CMTM8: variants seen among roughly 807,000 people sequenced by gnomAD.
CMTM8 encodes the protein CKLF-like MARVEL transmembrane domain-containing protein 8.
In CMTM8, 12 loss-of-function variants were observed where a neutral mutation model predicts 18.6. The ratio of observed to expected loss-of-function variants is 0.65; its 90% CI spans 0.41 to 1.05. The LOEUF (loss-of-function observed/expected upper bound fraction) is 1.05, where lower values mean the gene tolerates loss of function less well. Among genes scored for constraint, CMTM8 ranks in the 50% least tolerant of loss-of-function variants. The probability of loss-of-function intolerance (pLI) is 0.00; values close to 1 mark genes in which losing one functional copy is unlikely to be tolerated. For missense variants in CMTM8, 217 were observed against 227.2 expected, an observed-to-expected ratio of 0.95 and a Z score of 0.29; for synonymous variants, 87 against 90.6, an observed-to-expected ratio of 0.96 and a Z score of 0.23.
chr3:32,278,676 T>C (rs1414196968), intron 1 of CMTM8, among the ~76,000 whole-genome samples: 1 of 152,166 alleles, frequency 6.6e-6, no homozygotes, highest in African/African-American at 2.4e-5. Context: ...CCAAATTGAG[T>C]TATCTCTGTT....
intron 1 of CMTM8, among the ~76,000 whole-genome samples, chr3:32,289,001 G>A (rs1702733694): frequency 6.6e-6 from 1 of 152,146 alleles, no homozygotes; most frequent in South Asian, 2.1e-4. Context: ...GTGTCTTGCA[G>A]TTTCTTTTTT....
intron 1 of CMTM8, among the ~76,000 whole-genome samples, chr3:32,308,541 G>A (rs530036264): frequency 1.3e-5 from 2 of 152,214 alleles, no homozygotes; most frequent in South Asian, 4.2e-4. Context: ...TGAGGAGATC[G>A]GGGCTCTATC....
intron 1 of CMTM8, among the ~76,000 whole-genome samples, chr3:32,260,636 G>C (rs1702242777): frequency 6.6e-6 from 1 of 150,434 alleles, no homozygotes; most frequent in Non-Finnish European, 1.5e-5. Context: ...ACATCTGATA[G>C]GATAATCTAT....
chr3:32,345,882 C>T (rs540372915), intron 1 of CMTM8, among the ~76,000 whole-genome samples: 2 of 152,300 alleles, frequency 1.3e-5, no homozygotes, highest in African/African-American at 4.8e-5. Context: ...CAGGCAGACA[C>T]AGTGCCTCAC....
intron 1 of CMTM8, among the ~76,000 whole-genome samples, chr3:32,314,940 T>C (rs919266013): frequency 7.9e-5 from 12 of 151,652 alleles, no homozygotes; most frequent in African/African-American, 2.7e-4. Flanking sequence ...TGCGTTCTAG[T>C]GAACATAGGT....
chr3:32,282,513 A>G lies in CMTM8; in HGVS notation c.147+43394A>G, dbSNP rs192116088. On this transcript the variant is annotated intron_variant, in intron 1 of 3. Coordinates refer to ENST00000307526, the MANE Select transcript of CMTM8 (RefSeq NM_178868.5). ...AAAAATATATACCCAGAATGTTATC[A>G]ATTCTTACCACCTGCAGTATTATCA... 2.7e-3 allele frequency among the ~76,000 whole-genome samples: 414 copies of G among 152,250 alleles called. 3 individuals carry two copies. Among genetic ancestry groups the G allele is most frequent in the Non-Finnish European group, 2.1e-3 (141 of 68,012 alleles).
At chr3:32,301,676 A>T (rs1259838738) in intron 1 of CMTM8, among the ~76,000 whole-genome samples, 1 of 151,770 alleles carries the variant, frequency 6.6e-6, no homozygotes, top group Non-Finnish European at 1.5e-5. Context: ...AATCTCATAC[A>T]GTTTTCCATG....
intron 1 of CMTM8, among the ~76,000 whole-genome samples, chr3:32,341,728 T>A (rs1165604200): frequency 6.6e-6 from 1 of 150,810 alleles, no homozygotes; most frequent in Non-Finnish European, 1.5e-5. Flanking sequence ...AATTTAAAAA[T>A]CAGCCAGGTG....
chr3:32,304,293 T>G (rs1695682065), intron 1 of CMTM8, among the ~76,000 whole-genome samples: 3 of 152,184 alleles, frequency 2.0e-5, no homozygotes, highest in South Asian at 4.1e-4. Flanking sequence ...TGAAAATGGG[T>G]GTCCTATTCT....
chr3:32,244,998 A>G (rs988986807), intron 1 of CMTM8, among the ~76,000 whole-genome samples: 16 of 152,188 alleles, frequency 1.1e-4, no homozygotes, highest in Non-Finnish European at 1.9e-4. Context: ...TAAATAACGT[A>G]CTGTGTTTTA....
At chr3:32,285,897 G>A (rs188488423) in intron 1 of CMTM8, among the ~76,000 whole-genome samples, 6 of 152,336 alleles carry the variant, frequency 3.9e-5, no homozygotes, top group African/African-American at 1.2e-4. Flanking sequence ...AGCACAGTGT[G>A]TGGCACCTGT....
At chr3:32,276,509 T>G (rs896250139) in intron 1 of CMTM8, among the ~76,000 whole-genome samples, 1 of 152,086 alleles carries the variant, frequency 6.6e-6, no homozygotes, top group Non-Finnish European at 1.5e-5. Flanking sequence ...GCAATTAGAG[T>G]AATTGCCTGT....
chr3:32,309,703 G>A lies in CMTM8; in HGVS notation c.148-47670G>A, dbSNP rs181193024. Among the ~76,000 whole-genome samples the A allele has an allele frequency of 1.0e-3, 157 of 152,176 alleles. 1 individual carries two copies. The highest frequency in any genetic ancestry group is 3.6e-3 in the African/African-American group (150 of 41,500). ...AGGTGTCTCACTTTTCCTCAAAGTC[G>A]GTCATGCTTTCAGTAACTTGGCTAT... On this transcript the variant is annotated intron_variant, in intron 1 of 3. Transcript: ENST00000307526.
chr3:32,282,336 A>C (rs1702620017), intron 1 of CMTM8, among the ~76,000 whole-genome samples: 1 of 152,228 alleles, frequency 6.6e-6, no homozygotes, highest in Non-Finnish European at 1.5e-5. Context: ...GTCAGTTGCA[A>C]TATATGTACC....
At chr3:32,242,875 T>G (rs1559359566) in intron 1 of CMTM8, among the ~76,000 whole-genome samples, 1 of 149,396 alleles carries the variant, frequency 6.7e-6, no homozygotes, top group Non-Finnish European at 1.5e-5. Context: ...TTTTTTTTTT[T>G]GAGACAGAGT....
intron 1 of CMTM8, among the ~76,000 whole-genome samples, chr3:32,312,300 AG>A (rs1212021183): frequency 6.6e-6 from 1 of 152,114 alleles, no homozygotes; most frequent in African/African-American, 2.4e-5. Context: ...TCAGATAAAA[AG>A]TTTCTTTTCT....
rs891439554 is a variant in CMTM8 at position 32,300,075 on chromosome 3, G to A, written c.148-57298G>A. On this transcript the variant is annotated intron_variant, in intron 1 of 3. Transcript: ENST00000307526. ...CACATTTCTTTGATCATACTTTTGC[G>A]TGACACAGCAGTCTTCAGATCGAAG... is the stretch of plus-strand genomic sequence containing the variant. 5.3e-5 allele frequency among the ~76,000 whole-genome samples: 8 copies of A among 152,206 alleles called. No homozygotes were observed. In the East Asian group the frequency reaches 5.8e-4, roughly 11 times the overall value.
chr3:32,280,833 G>A (rs1432517074), intron 1 of CMTM8, among the ~76,000 whole-genome samples: 7 of 98,038 alleles, frequency 7.1e-5, no homozygotes, highest in African/African-American at 1.2e-4. Context: ...TCTCCAACAC[G>A]AGAGAAAATA....
intron 1 of CMTM8, among the ~76,000 whole-genome samples, chr3:32,245,718 T>G (rs879800643): frequency 6.6e-6 from 1 of 152,242 alleles, no homozygotes; most frequent in East Asian, 1.9e-4. Context: ...TCTGTTGCCC[T>G]GTTGAGTTCC....
Sources: allele counts gnomAD v4.1 joint callset (sites outside exome capture counted in the v4.1 genomes callset), GRCh38; gene constraint gnomAD v4.1.1; transcripts MANE v1.5; gene names NCBI Gene and HGNC (gene_info 2026-07-23, HGNC 2026-07-21).